EZR: variants seen among roughly 807,000 people sequenced by gnomAD.
EZR encodes the protein cytovillin 2.
EZR carries 40 observed loss-of-function variants against 74.8 expected under a neutral mutation model. That is an observed-to-expected ratio of 0.53 (90% CI 0.42 to 0.70). The LOEUF is 0.70. Among genes scored for constraint, EZR ranks in the 30% least tolerant of loss-of-function variants. EZR has a pLI of 0.00. For missense variants in EZR, 678 were observed against 755.8 expected (o/e 0.90, Z 1.21); for synonymous variants, 341 against 283.3 (o/e 1.20, Z -2.05).
intron 10 of EZR, among the ~76,000 whole-genome samples, chr6:158,770,230 G>A (rs547200584): frequency 1.8e-4 from 28 of 152,318 alleles, no homozygotes; most frequent in African/African-American, 6.5e-4. Flanking sequence ...TCAGCCGCCC[G>A]CTGTGCTGGT....
intron 4 of EZR, among the ~76,000 whole-genome samples, chr6:158,785,855 G>A (rs755734136): frequency 2.2e-4 from 34 of 152,092 alleles, no homozygotes; most frequent in African/African-American, 5.3e-4. Context: ...AGACCAGCCT[G>A]GGCAACGTAG....
rs543486078 is a variant in EZR, at chr6:158,785,392, G to A, written c.384C>T (p.Tyr128=). The change falls in exon 5 of 14, where the codon TAC becomes TAT. Residue 128 remains tyrosine, a synonymous_variant. Coordinates refer to ENST00000367075, the MANE Select transcript of EZR (RefSeq NM_001111077.2). ...PPETAVLLGS[Y]AVQAKFGDYN... is the part of the protein sequence containing the mutation. The stretch of plus-strand genomic sequence containing the variant: ...AGTCCCCAAACTTGGCCTGCACAGC[G>A]TAGGACCCCAAGAGCACGGCAGTCT... 2.3e-5 allele frequency: 37 copies of A among 1,614,208 alleles called. No individual in the cohort carries two copies. The highest frequency in any genetic ancestry group is 2.1e-4 in the South Asian group (19 of 91,082).
intron 2 of EZR, among the ~76,000 whole-genome samples, chr6:158,810,257 A>G (rs1777425415): frequency 1.3e-5 from 2 of 152,006 alleles, no homozygotes; most frequent in Admixed American, 6.6e-5. Context: ...AAACAGCATT[A>G]CTGTTTGCCT....
At chr6:158,783,783 G>A in intron 6 of EZR, 117 bp from the exon 7 acceptor site, 1 of 1,133,488 alleles carries the variant, frequency 8.8e-7, no homozygotes, top group Non-Finnish European at 1.3e-6. Flanking sequence ...TCAATGCTGT[G>A]TGCTGCGTGC....
At chr6:158,787,861 C>T (rs148545896) in intron 3 of EZR, among the ~76,000 whole-genome samples, 2 of 152,302 alleles carry the variant, frequency 1.3e-5, no homozygotes, top group East Asian at 1.9e-4. Flanking sequence ...GAATCCCGAC[C>T]CTAGGTCACA....
intron 12 of EZR, among the ~76,000 whole-genome samples, chr6:158,768,665 C>T (rs1036075271): frequency 2.6e-5 from 4 of 152,166 alleles, no homozygotes; most frequent in Non-Finnish European, 5.9e-5. Flanking sequence ...CCAGACGGAG[C>T]GACAAGCTCT....
chr6:158,797,246 T>C (rs1261411904), intron 2 of EZR, among the ~76,000 whole-genome samples: 2 of 152,162 alleles, frequency 1.3e-5, no homozygotes, highest in Non-Finnish European at 2.9e-5. Flanking sequence ...CCCTTGAGTC[T>C]TAGACAAAAG....
intron 10 of EZR, 139 bp from the exon 11 acceptor site, chr6:158,770,083 G>A (rs2128565180): frequency 1.8e-6 from 2 of 1,140,916 alleles, no homozygotes; most frequent in South Asian, 1.5e-5. Flanking sequence ...TGACCCTGGA[G>A]GAAAGCACTT....
At chr6:158,767,533 A>G in intron 12 of EZR, 21 bp from the exon 13 acceptor site, 4 of 1,555,112 alleles carry the variant, frequency 2.6e-6, no homozygotes, top group Non-Finnish European at 3.5e-6. Context: ...CAAATTAATA[A>G]GAGGACTTCT....
At chr6:158,770,150 G>A (rs975088442) in intron 10 of EZR, among the ~76,000 whole-genome samples, 2 of 152,138 alleles carry the variant, frequency 1.3e-5, no homozygotes. Flanking sequence ...CTAGAAACCC[G>A]TCCAACGCCA....
chr6:158,785,581 C>G lies in EZR; in HGVS notation c.195G>C (p.Val65=). ...TCTCCTTCCTGACCTCCTGGGCAGA[C>G]ACCTGCACGAAACAAGCCACACTCT... is the stretch of plus-strand genomic sequence containing the variant. ...FPTWLKLDKK[V]SAQEVRKENP... Residue 65 remains valine (V), a splice_region_variant and synonymous_variant, in exon 5 of 14, where the codon GTG becomes GTC. Transcript: ENST00000367075. 1 of 1,613,432 alleles carries G rather than the reference C, an allele frequency of 6.2e-7. No homozygotes were observed. Among genetic ancestry groups the G allele is most frequent in the Non-Finnish European group, 8.5e-7 (1 of 1,179,412 alleles).
chr6:158,801,416 G>A lies in EZR; in HGVS notation c.13-12045C>T, dbSNP rs546239681. On this transcript the variant is annotated intron_variant, in intron 2 of 13. Coordinates refer to ENST00000367075, the MANE Select transcript of EZR (RefSeq NM_001111077.2). ...AACAAAAAAAATCTGCTTGTCTATC[G>A]GGCTCAGGAAAATGTTCAGATGCCA... Among the ~76,000 whole-genome samples the A allele has an allele frequency of 5.3e-5, 8 of 152,192 alleles. 1 individual carries two copies. In the South Asian group the frequency reaches 1.0e-3, roughly 20 times the overall value.
chr6:158,813,989 G>A (rs1227168591), intron 2 of EZR, among the ~76,000 whole-genome samples: 2 of 152,170 alleles, frequency 1.3e-5, no homozygotes, highest in Admixed American at 6.5e-5. Context: ...GGAGAAAGGC[G>A]CTCCGCAGTC....
At chr6:158,817,437 G>C (rs748043969) in intron 2 of EZR, among the ~76,000 whole-genome samples, 3 of 152,182 alleles carry the variant, frequency 2.0e-5, no homozygotes, top group African/African-American at 7.2e-5. Flanking sequence ...TGCTCGGCCC[G>C]GCCTGCCAGG....
At chr6:158,786,547 C>T (rs1791586747) in intron 4 of EZR, among the ~76,000 whole-genome samples, 2 of 152,104 alleles carry the variant, frequency 1.3e-5, no homozygotes, top group South Asian at 4.1e-4. Context: ...GCCAATCGGG[C>T]CCTGGACCCC....
At chr6:158,790,750 T>G (rs1791721605) in intron 2 of EZR, among the ~76,000 whole-genome samples, 2 of 152,134 alleles carry the variant, frequency 1.3e-5, no homozygotes, top group African/African-American at 4.8e-5. Context: ...TTCAAATTTA[T>G]CACTTGAGAA....
chr6:158,796,164 GGCCA>G (rs1031378696), intron 2 of EZR, among the ~76,000 whole-genome samples: 1 of 152,158 alleles, frequency 6.6e-6, no homozygotes, highest in Non-Finnish European at 1.5e-5. Context: ...TGCTATTCAA[GGCCA>G]GCAAGTAGAG....
intron 2 of EZR, among the ~76,000 whole-genome samples, chr6:158,791,726 T>TTTTTTTTTTG (rs1791754014): frequency 2.0e-5 from 3 of 147,114 alleles, no homozygotes; most frequent in African/African-American, 5.1e-5. Context: ...TTTTTTTTTT[T>TTTTTTTTTTG]GAGACAGAGT....
intron 3 of EZR, among the ~76,000 whole-genome samples, chr6:158,788,982 T>C (rs1791658876): frequency 6.6e-6 from 1 of 152,172 alleles, no homozygotes; most frequent in Admixed American, 6.5e-5. Context: ...CTCCTTACAA[T>C]GACAAGCACA....
Sources: allele counts gnomAD v4.1 joint callset (sites outside exome capture counted in the v4.1 genomes callset), GRCh38; gene constraint gnomAD v4.1.1; transcripts MANE v1.5; gene names NCBI Gene and HGNC (gene_info 2026-07-23, HGNC 2026-07-21).